The following PGBD5 variants were observed in gnomAD, a reference collection of about 807,000 sequenced individuals.
PGBD5 encodes piggyBac transposable element-derived protein 5.
In PGBD5, 14 loss-of-function variants were observed where a neutral mutation model predicts 47.9. That is an observed-to-expected ratio of 0.29 (90% CI 0.19 to 0.46). The LOEUF (loss-of-function observed/expected upper bound fraction) is 0.46, where lower values mean the gene tolerates loss of function less well. PGBD5 is among the 20% of genes least tolerant of loss of function. The probability of loss-of-function intolerance (pLI) is 1.00; values close to 1 mark genes in which losing one functional copy is unlikely to be tolerated. For missense variants in PGBD5, 635 were observed against 716.0 expected (o/e 0.89, Z 1.29); for synonymous variants, 316 against 306.3 (o/e 1.03, Z -0.33).
At chr1:230,347,354 C>T (rs1341654878) in intron 3 of PGBD5, among the ~76,000 whole-genome samples, 2 of 152,104 alleles carry the variant, frequency 1.3e-5, no homozygotes, top group Non-Finnish European at 2.9e-5. Flanking sequence ...GCTGGCAAGT[C>T]CAACATCAGA....
chr1:230,363,009 G>A (rs978058381), intron 1 of PGBD5, among the ~76,000 whole-genome samples: 2 of 152,184 alleles, frequency 1.3e-5, no homozygotes, highest in East Asian at 1.9e-4. Flanking sequence ...GAAATCAAGT[G>A]GGGGTGGGCC....
chr1:230,388,820 C>T (rs1656715328), intron 1 of PGBD5, among the ~76,000 whole-genome samples: 1 of 152,176 alleles, frequency 6.6e-6, no homozygotes, highest in Admixed American at 6.5e-5. Context: ...GTGGCCATGA[C>T]CCCCCTGGAA....
intron 1 of PGBD5, among the ~76,000 whole-genome samples, chr1:230,386,827 T>C (rs1656654590): frequency 6.6e-6 from 1 of 152,246 alleles, no homozygotes; most frequent in South Asian, 2.1e-4. Context: ...AAACATGGTG[T>C]TCTGCCCAGC....
intron 1 of PGBD5, chr1:230,377,448 G>A: frequency 6.3e-7 from 1 of 1,584,810 alleles, no homozygotes; most frequent in Non-Finnish European, 8.6e-7. Context: ...ACACATGGAT[G>A]AAAAGATCTC....
chr1:230,325,432 A>G lies in PGBD5; in HGVS notation c.1274-17T>C. ...TGATGACTCCTGAAGGCGAGAGACA[A>G]GATAAGCCCCTTCCTCAGCACCTCC... On this transcript the variant is annotated splice_polypyrimidine_tract_variant and intron_variant, in intron 5 of 6. Transcript: ENST00000391860. 1.3e-6 allele frequency: 2 copies of G among 1,585,794 alleles called. No homozygotes were observed. Among genetic ancestry groups the G allele is most frequent in the Non-Finnish European group, 1.7e-6 (2 of 1,156,810 alleles).
At chr1:230,365,347 T>C (rs1350108113) in intron 1 of PGBD5, among the ~76,000 whole-genome samples, 1 of 150,822 alleles carries the variant, frequency 6.6e-6, no homozygotes, top group Non-Finnish European at 1.5e-5. Context: ...TTGGCTAATA[T>C]AGATATTAAA....
At chr1:230,329,125 G>T (rs1437024573) in intron 5 of PGBD5, among the ~76,000 whole-genome samples, 1 of 151,268 alleles carries the variant, frequency 6.6e-6, no homozygotes, top group South Asian at 2.1e-4. Flanking sequence ...TTTTTTTTGG[G>T]GGGGGAGGTG....
chr1:230,370,795 T>C (rs1667916715), intron 1 of PGBD5, among the ~76,000 whole-genome samples: 1 of 152,182 alleles, frequency 6.6e-6, no homozygotes, highest in Non-Finnish European at 1.5e-5. Flanking sequence ...GGCTAAGAGC[T>C]GAAAGAGAAC....
At chr1:230,420,502 G>T (rs1393528798) in intron 1 of PGBD5, among the ~76,000 whole-genome samples, 1 of 152,134 alleles carries the variant, frequency 6.6e-6, no homozygotes, top group Non-Finnish European at 1.5e-5. Context: ...TGTGTCAAGG[G>T]CGGGGCCAGG....
chr1:230,402,278 G>A (rs1031766875), intron 1 of PGBD5, among the ~76,000 whole-genome samples: 2 of 152,180 alleles, frequency 1.3e-5, no homozygotes, highest in South Asian at 2.1e-4. Flanking sequence ...GGGAGTTCAC[G>A]GCCTAGGCAG....
intron 1 of PGBD5, among the ~76,000 whole-genome samples, chr1:230,410,110 A>G (rs1227839195): frequency 6.6e-6 from 1 of 152,216 alleles, no homozygotes; most frequent in Non-Finnish European, 1.5e-5. Flanking sequence ...TGCAAAGAAG[A>G]AGGCAGGGAT....
chr1:230,406,044 C>T (rs1166259075), intron 1 of PGBD5, among the ~76,000 whole-genome samples: 2 of 152,186 alleles, frequency 1.3e-5, no homozygotes, highest in African/African-American at 2.4e-5. Context: ...CACAGTGGCT[C>T]ACGCCTGTAA....
At chr1:230,369,845 G>C (rs932274460) in intron 1 of PGBD5, among the ~76,000 whole-genome samples, 7 of 151,980 alleles carry the variant, frequency 4.6e-5, no homozygotes, top group African/African-American at 1.7e-4. Context: ...TATATCCCTA[G>C]AATTCCCTGC....
In PGBD5 at chr1:230,418,579, C is replaced by T. The variant is rs370904576; in HGVS notation, c.331+7019G>A. On this transcript the variant is annotated intron_variant, in intron 1 of 6. Coordinates refer to ENST00000391860, the MANE Select transcript of PGBD5 (RefSeq NM_001258311.2). ...CTGGAGTGCAGTGGTACAAACACAG[C>T]TCACTGCAGCCTCACCCACCTCAGC... Among the ~76,000 whole-genome samples the T allele has an allele frequency of 3.9e-5, 6 of 152,164 alleles. No individual in the cohort carries two copies. The East Asian group carries it at 5.8e-4, about 15-fold the overall frequency.
chr1:230,419,366 ATG>A (rs1657598217), intron 1 of PGBD5, among the ~76,000 whole-genome samples: 1 of 152,212 alleles, frequency 6.6e-6, no homozygotes, highest in African/African-American at 2.4e-5. Flanking sequence ...TTGGGTACAC[ATG>A]GACATGAAGA....
intron 1 of PGBD5, among the ~76,000 whole-genome samples, chr1:230,411,298 G>A (rs1657403321): frequency 6.6e-6 from 1 of 152,162 alleles, no homozygotes; most frequent in Admixed American, 6.5e-5. Context: ...AAAGGGCGGA[G>A]AGGGGAAGTG....
At chr1:230,370,276 C>T (rs1449636410) in intron 1 of PGBD5, among the ~76,000 whole-genome samples, 2 of 152,160 alleles carry the variant, frequency 1.3e-5, no homozygotes, top group Non-Finnish European at 2.9e-5. Context: ...TCACATTCCC[C>T]ATGGAAACAA....
At chr1:230,417,488 G>T (rs1039493708) in intron 1 of PGBD5, among the ~76,000 whole-genome samples, 1 of 152,194 alleles carries the variant, frequency 6.6e-6, no homozygotes, top group Non-Finnish European at 1.5e-5. Flanking sequence ...TTTTCACTAA[G>T]AAAGTCTCAA....
intron 1 of PGBD5, chr1:230,368,108 AG>A (rs1189426280): frequency 2.2e-6 from 3 of 1,367,958 alleles, no homozygotes; most frequent in East Asian, 9.1e-5. Flanking sequence ...GATGTGCTCA[AG>A]TTCTGACCAC....
Sources: gnomAD v4.1 joint callset for allele counts (sites outside exome capture counted in the v4.1 genomes callset) on GRCh38, gnomAD v4.1.1 for gene constraint, MANE v1.5 for transcripts, NCBI Gene and HGNC (gene_info 2026-07-23, HGNC 2026-07-21) for gene names.